Variants in ARHGAP15 observed in about 807,000 individuals in gnomAD.
ARHGAP15 encodes the protein rho GTPase-activating protein 15.
A neutral mutation model predicts 63.7 loss-of-function variants in ARHGAP15; 51 were observed. That is an observed-to-expected ratio of 0.80 (90% confidence interval 0.64 to 1.01). The LOEUF is 1.01. ARHGAP15 is among the 50% of genes least tolerant of loss of function. ARHGAP15 has a pLI of 0.00. For missense variants in ARHGAP15, 560 were observed against 564.6 expected (o/e 0.99, Z 0.08); for synonymous variants, 191 against 193.8 (o/e 0.99, Z 0.12).
chr2:143,238,010 T>C (rs1318030800), intron 5 of ARHGAP15: 1 of 152,112 alleles, frequency 6.6e-6, no homozygotes, highest in Non-Finnish European at 1.5e-5. Context: ...TTTTTGTATA[T>C]GGTGTAAGGA....
chr2:143,423,286 C>G (rs948246278), intron 6 of ARHGAP15, among the ~76,000 whole-genome samples: 1 of 152,120 alleles, frequency 6.6e-6, no homozygotes, highest in African/African-American at 2.4e-5. Context: ...CTCACTAATA[C>G]AGGTTCTCAG....
intron 9 of ARHGAP15, among the ~76,000 whole-genome samples, chr2:143,498,503 T>G (rs1295272954): frequency 2.6e-5 from 4 of 152,224 alleles, no homozygotes; most frequent in Non-Finnish European, 4.4e-5. Flanking sequence ...CAAAGCATTT[T>G]CTGGGGCAAC....
At chr2:143,747,375 A>G (rs1352003167) in intron 13 of ARHGAP15, among the ~76,000 whole-genome samples, 1 of 152,168 alleles carries the variant, frequency 6.6e-6, no homozygotes, top group Non-Finnish European at 1.5e-5. Context: ...ATGAGCCAAT[A>G]TTGAGACATT....
chr2:143,174,137 C>T (rs758815805), intron 2 of ARHGAP15, among the ~76,000 whole-genome samples: 63 of 152,050 alleles, frequency 4.1e-4, no homozygotes, highest in Non-Finnish European at 8.2e-4. Context: ...TTGTACTCTC[C>T]GTTTGTACCT....
chr2:143,380,874 A>G lies in ARHGAP15; in HGVS notation c.475-54727A>G, dbSNP rs191396416. Among the ~76,000 whole-genome samples, 57 of 152,262 alleles carry G rather than the reference A, an allele frequency of 3.7e-4. 1 individual carries two copies. In the East Asian group the frequency reaches 0.011, roughly 29 times the overall value. On this transcript the variant is annotated intron_variant, in intron 6 of 13. Transcript: ENST00000295095. ...CTAGACAGAATGGGACATTTAACAC[A>G]TTATAGAATTCATAATACAGGTGCG...
chr2:143,465,019 T>C (rs1691134065), intron 8 of ARHGAP15, among the ~76,000 whole-genome samples: 1 of 152,192 alleles, frequency 6.6e-6, no homozygotes, highest in Non-Finnish European at 1.5e-5. Context: ...TGTTTCACTC[T>C]TTAAGTGTTG....
At chr2:143,624,017 G>T in intron 11 of ARHGAP15, 116 bp from the exon 12 acceptor site, 1 of 1,280,796 alleles carries the variant, frequency 7.8e-7, no homozygotes, top group Admixed American at 2.1e-5. Flanking sequence ...AAACCTCTAG[G>T]TGCAGAAGGC....
intron 12 of ARHGAP15, among the ~76,000 whole-genome samples, chr2:143,688,275 T>C (rs1683439659): frequency 6.6e-6 from 1 of 152,218 alleles, no homozygotes; most frequent in South Asian, 2.1e-4. Flanking sequence ...GTAAACATTA[T>C]GCCACTCTCT....
chr2:143,356,688 T>C (rs1228743885), intron 6 of ARHGAP15, among the ~76,000 whole-genome samples: 1 of 152,156 alleles, frequency 6.6e-6, no homozygotes, highest in Non-Finnish European at 1.5e-5. Context: ...TATAACACAA[T>C]TTATGTGGCT....
At chr2:143,522,369 G>T (rs1694092307) in intron 10 of ARHGAP15, among the ~76,000 whole-genome samples, 4 of 152,142 alleles carry the variant, frequency 2.6e-5, no homozygotes, top group Admixed American at 2.6e-4. Context: ...GCTCTTCCAA[G>T]TGGTTCCTTC....
chr2:143,143,199 A>G (rs1244183721), intron 1 of ARHGAP15, among the ~76,000 whole-genome samples: 2 of 152,070 alleles, frequency 1.3e-5, no homozygotes, highest in African/African-American at 2.4e-5. Context: ...AACTTGTTTA[A>G]GTGGAGTATC....
At chr2:143,340,263 G>A (rs1277630212) in intron 6 of ARHGAP15, among the ~76,000 whole-genome samples, 1 of 152,116 alleles carries the variant, frequency 6.6e-6, no homozygotes, top group Non-Finnish European at 1.5e-5. Flanking sequence ...ACTTTTCAGG[G>A]TGAAAGTGAC....
At position 143,316,613 on chromosome 2, in the gene ARHGAP15, CATT is replaced by C. The variant is rs1357893604; in HGVS notation, c.474+66016_474+66018del. On this transcript the variant is annotated intron_variant, in intron 6 of 13. Coordinates refer to ENST00000295095, the MANE Select transcript of ARHGAP15 (RefSeq NM_018460.4). ...GTTATATATATTTTAATATATATAA[CATT>C]ATAGACTTTGGAGGCTTTCATTTGA... Among the ~76,000 whole-genome samples, 4 of 137,348 alleles carry C rather than the reference CATT, an allele frequency of 2.9e-5. No individual in the cohort carries two copies. The East Asian group carries it at 7.9e-4, about 27-fold the overall frequency. The allele number at this position is 137,348 out of a possible 152,430, so 90.1% of individuals were successfully genotyped here. A position where few individuals can be genotyped will look rare whatever the true frequency, so the allele number is the denominator to read the frequency against.
chr2:143,721,507 A>C (rs1341528425), intron 13 of ARHGAP15, among the ~76,000 whole-genome samples: 4 of 152,208 alleles, frequency 2.6e-5, no homozygotes, highest in African/African-American at 9.6e-5. Context: ...GGATATCAGC[A>C]GTGGTCTGTC....
intron 9 of ARHGAP15, among the ~76,000 whole-genome samples, chr2:143,511,588 G>C (rs1251346993): frequency 6.6e-6 from 1 of 152,016 alleles, no homozygotes; most frequent in Non-Finnish European, 1.5e-5. Flanking sequence ...TTGTTTGTTT[G>C]TTTGTTTTTG....
At chr2:143,682,189 TCTTC>T (rs1402008887) in intron 12 of ARHGAP15, among the ~76,000 whole-genome samples, 3 of 152,350 alleles carry the variant, frequency 2.0e-5, no homozygotes, top group Non-Finnish European at 2.9e-5. Flanking sequence ...TTTTCTTTCA[TCTTC>T]CTTCCTAGTT....
At chr2:143,545,714 G>T (rs1362554942) in intron 10 of ARHGAP15, among the ~76,000 whole-genome samples, 1 of 151,750 alleles carries the variant, frequency 6.6e-6, no homozygotes, top group Admixed American at 6.6e-5. Context: ...TAGAAGAAAG[G>T]TTTTAAGTAT....
At chr2:143,251,777 C>T (rs972088628) in intron 6 of ARHGAP15, among the ~76,000 whole-genome samples, 5 of 151,864 alleles carry the variant, frequency 3.3e-5, no homozygotes, top group African/African-American at 1.2e-4. Flanking sequence ...AAACCAAACA[C>T]GCTTGTCCTG....
At chr2:143,638,665 T>C (rs1444728041) in intron 12 of ARHGAP15, among the ~76,000 whole-genome samples, 2 of 87,732 alleles carry the variant, frequency 2.3e-5, no homozygotes, top group Non-Finnish European at 4.8e-5. Context: ...AAAAAATAAA[T>C]AAATAAAAGA....
Sources: allele counts gnomAD v4.1 joint callset (sites outside exome capture counted in the v4.1 genomes callset), GRCh38; gene constraint gnomAD v4.1.1; transcripts MANE v1.5; gene names NCBI Gene and HGNC (gene_info 2026-07-23, HGNC 2026-07-21).